Variants in RFPL1 observed in about 807,000 individuals in gnomAD.
RFPL1 encodes ret finger protein-like 1.
Under a neutral mutation model 9.6 loss-of-function variants are expected in RFPL1, and 6 were observed. The ratio of observed to expected loss-of-function variants is 0.62; its 90% CI spans 0.34 to 1.23. The LOEUF (loss-of-function observed/expected upper bound fraction) is 1.23. Ranked by LOEUF, RFPL1 falls within the 50% of genes most tolerant of loss-of-function variation. The pLI is 0.03. For missense variants in RFPL1, 352 were observed against 398.4 expected (o/e 0.88, Z 0.99); for synonymous variants, 145 against 149.4 (o/e 0.97, Z 0.22).
the RFPL1 span, among the ~76,000 whole-genome samples, chr22:29,399,466 T>C: frequency 6.6e-6 from 1 of 152,224 alleles, no homozygotes. Flanking sequence ...CTAATGACAT[T>C]CCTGGGACCT....
chr22:29,421,233 AT>A, the RFPL1 span, among the ~76,000 whole-genome samples: 1 of 152,072 alleles, frequency 6.6e-6, no homozygotes. Context: ...GAACCCAGGC[AT>A]GTCTGTCCAC....
At chr22:29,433,810 ACATGGGTG>A (rs1006193732), upstream of RFPL1, among the ~76,000 whole-genome samples, 1 of 152,188 alleles carries the variant, frequency 6.6e-6, no homozygotes, top group Non-Finnish European at 1.5e-5. Flanking sequence ...GGCCCTTGAA[ACATGGGTG>A]TACCCCATGT....
At chr22:29,397,103 G>A in the RFPL1 span, among the ~76,000 whole-genome samples, 1 of 147,736 alleles carries the variant, frequency 6.8e-6, no homozygotes, top group African/African-American at 2.5e-5. Context: ...TAGAGATGGT[G>A]TTTCACCGTG....
At chr22:29,423,963 CA>C in the RFPL1 span, among the ~76,000 whole-genome samples, 1 of 152,126 alleles carries the variant, frequency 6.6e-6, no homozygotes, top group Non-Finnish European at 1.5e-5. Flanking sequence ...CCAGCCAAGG[CA>C]CGTGGATCAC....
At chr22:29,419,419 C>T in the RFPL1 span, among the ~76,000 whole-genome samples, 1 of 151,730 alleles carries the variant, frequency 6.6e-6, no homozygotes, top group African/African-American at 2.4e-5. Context: ...GGCCAGGCAA[C>T]AGTGAGGGAT....
the RFPL1 span, among the ~76,000 whole-genome samples, chr22:29,422,794 C>T: frequency 3.2e-5 from 4 of 123,394 alleles, no homozygotes; most frequent in African/African-American, 1.1e-4. Flanking sequence ...GGTACATGGA[C>T]GGAAACACAC....
the RFPL1 span, among the ~76,000 whole-genome samples, chr22:29,407,951 A>G: frequency 6.6e-6 from 1 of 152,108 alleles, no homozygotes; most frequent in Non-Finnish European, 1.5e-5. Flanking sequence ...TTTTTCTCTC[A>G]TTGCCCAAGT....
intron 1 of RFPL1, 143 bp downstream of exon 1, chr22:29,439,307 C>A: frequency 8.1e-7 from 1 of 1,232,198 alleles, no homozygotes; most frequent in Non-Finnish European, 1.1e-6. Flanking sequence ...GATTCTCAGC[C>A]CTGACAACAT....
At chr22:29,425,312 C>T in the RFPL1 span, among the ~76,000 whole-genome samples, 1 of 151,944 alleles carries the variant, frequency 6.6e-6, no homozygotes, top group Non-Finnish European at 1.5e-5. Flanking sequence ...GTGGAAGTCA[C>T]GCTGAACCTT....
chr22:29,423,317 T>A, the RFPL1 span: 11 of 635,112 alleles, frequency 1.7e-5, no homozygotes, highest in East Asian at 3.0e-4. Context: ...ATCTATTTCC[T>A]GGAGAAACAA....
At chr22:29,423,251 G>A in the RFPL1 span, 1 of 1,276,046 alleles carries the variant, frequency 7.8e-7, no homozygotes, top group Non-Finnish European at 1.1e-6. Context: ...CAGTTATGGT[G>A]CAGAGGGAGG....
chr22:29,403,536 T>G, the RFPL1 span, among the ~76,000 whole-genome samples: 1 of 152,040 alleles, frequency 6.6e-6, no homozygotes, highest in African/African-American at 2.4e-5. Flanking sequence ...AGGAGGCTGG[T>G]GGCGAAGTGC....
At chr22:29,427,699 T>G in the RFPL1 span, among the ~76,000 whole-genome samples, 238 of 150,476 alleles carry the variant, frequency 1.6e-3, 6 homozygotes, top group East Asian at 0.028. Context: ...GGAGGGCACA[T>G]GAGATTGTAA....
upstream of RFPL1, chr22:29,437,935 A>G (rs1371017732): frequency 1.5e-5 from 7 of 469,002 alleles, no homozygotes; most frequent in Non-Finnish European, 2.6e-5. Flanking sequence ...TTCATTTCCA[A>G]GGCTGGAGAA....
the RFPL1 span, among the ~76,000 whole-genome samples, chr22:29,393,815 GC>G: frequency 6.6e-6 from 1 of 151,462 alleles, no homozygotes; most frequent in Admixed American, 6.6e-5. Context: ...CACTCTTTTT[GC>G]CCAATCTGCC....
At chr22:29,438,914 C>G in exon 1 of RFPL1, 3 of 1,613,976 alleles carry the variant, frequency 1.9e-6, no homozygotes. Context: ...GCAGCTGTCC[C>G]GTCTGCTCAG....
At chr22:29,432,482 A>T in the RFPL1 span, among the ~76,000 whole-genome samples, 1 of 152,168 alleles carries the variant, frequency 6.6e-6, no homozygotes, top group Non-Finnish European at 1.5e-5. Flanking sequence ...AAACCAAAGT[A>T]TAAAAGAAAA....
the RFPL1 span, among the ~76,000 whole-genome samples, chr22:29,422,087 C>T: frequency 2.0e-5 from 3 of 152,248 alleles, no homozygotes; most frequent in Non-Finnish European, 2.9e-5. Flanking sequence ...CTTACAGGGT[C>T]AAAGCACATT....
the RFPL1 span, among the ~76,000 whole-genome samples, chr22:29,424,859 T>G: frequency 3.7e-5 from 4 of 108,430 alleles, no homozygotes; most frequent in African/African-American, 7.1e-5. Flanking sequence ...AATTGAGACT[T>G]TCAAGTACAG....
Sources: allele counts gnomAD v4.1 joint callset (sites outside exome capture counted in the v4.1 genomes callset), GRCh38; gene constraint gnomAD v4.1.1; transcripts MANE v1.5; gene names NCBI Gene and HGNC (gene_info 2026-07-23, HGNC 2026-07-21).